The following TRIO variants were observed in gnomAD, a reference collection of about 807,000 sequenced individuals.
The protein encoded by TRIO is trio Rho guanine nucleotide exchange factor.
TRIO carries 58 observed loss-of-function variants against 351.9 expected under a neutral mutation model. The observed-to-expected ratio is 0.16, with a 90% confidence interval of 0.13 to 0.21. The LOEUF (loss-of-function observed/expected upper bound fraction) is 0.21, where lower values mean the gene tolerates loss of function less well. Among genes scored for constraint, TRIO ranks in the 10% least tolerant of loss-of-function variants. TRIO has a pLI of 1.00. For missense variants in TRIO, 3,201 were observed against 4,027.8 expected, an observed-to-expected ratio of 0.79 and a Z score of 5.56; for synonymous variants, 1,758 against 1,595.7, an observed-to-expected ratio of 1.10 and a Z score of -2.42.
intron 11 of TRIO, among the ~76,000 whole-genome samples, chr5:14,338,015 T>C (rs1017831283): frequency 3.3e-5 from 5 of 152,230 alleles, no homozygotes; most frequent in African/African-American, 1.2e-4. Context: ...TTGAAAATTC[T>C]TAACAAAAGA....
intron 1 of TRIO, among the ~76,000 whole-genome samples, chr5:14,253,325 T>C (rs1794850242): frequency 6.6e-6 from 1 of 152,210 alleles, no homozygotes; most frequent in Admixed American, 6.5e-5. Flanking sequence ...GGATTGAAGG[T>C]ATGTAGTGAA....
chr5:14,429,372 G>T (rs1750908276), intron 34 of TRIO, among the ~76,000 whole-genome samples: 1 of 152,126 alleles, frequency 6.6e-6, no homozygotes, highest in Non-Finnish European at 1.5e-5. Context: ...ATGAGATTTT[G>T]TGATTATATT....
chr5:14,461,813 C>G (rs1221077888), intron 35 of TRIO, among the ~76,000 whole-genome samples: 1 of 152,234 alleles, frequency 6.6e-6, no homozygotes, highest in Non-Finnish European at 1.5e-5. Context: ...ATTTATTATA[C>G]TTACAGCTTG....
At chr5:14,312,685 G>A (rs73751337) in intron 8 of TRIO, among the ~76,000 whole-genome samples, 3,495 of 152,284 alleles carry the variant, frequency 0.023, 139 homozygotes, top group African/African-American at 0.08. Context: ...TATAACTGAA[G>A]TAAATTCACT....
intron 8 of TRIO, among the ~76,000 whole-genome samples, chr5:14,305,885 A>C (rs918634829): frequency 1.3e-5 from 2 of 152,206 alleles, no homozygotes; most frequent in South Asian, 4.1e-4. Flanking sequence ...TACTTTTTCT[A>C]TGTTTAGATA....
At chr5:14,150,813 C>A (rs1240565481) in intron 1 of TRIO, among the ~76,000 whole-genome samples, 1 of 152,064 alleles carries the variant, frequency 6.6e-6, no homozygotes, top group Non-Finnish European at 1.5e-5. Flanking sequence ...CTATGTAGGA[C>A]CTAGCTTCTT....
Position 14,176,640 on chromosome 5 carries a change from C to T in TRIO, c.157+32758C>T, listed in dbSNP as rs558222171. ...GACTAATTTTTGTATTTTTTTGTAG[C>T]GGTGGAGTTTCACCAACCAAGTTGC... On this transcript the variant is annotated intron_variant, in intron 1 of 56. Coordinates refer to ENST00000344204, the MANE Select transcript of TRIO (RefSeq NM_007118.4). Among the ~76,000 whole-genome samples the T allele has an allele frequency of 5.3e-5, 8 of 152,212 alleles. No homozygotes were observed. In the East Asian group the frequency reaches 7.7e-4, roughly 15 times the overall value.
chr5:14,439,082 C>G (rs759275797), intron 34 of TRIO, among the ~76,000 whole-genome samples: 4 of 152,200 alleles, frequency 2.6e-5, no homozygotes, highest in African/African-American at 4.8e-5. Context: ...ATGGCACAAT[C>G]TCAGCTCACT....
chr5:14,282,069 G>A (rs1345317235), intron 3 of TRIO, among the ~76,000 whole-genome samples: 1 of 152,182 alleles, frequency 6.6e-6, no homozygotes, highest in Non-Finnish European at 1.5e-5. Flanking sequence ...TGGGTTTTCT[G>A]TCAGAGTATC....
chr5:14,494,552 A>G (rs779461139), intron 49 of TRIO, among the ~76,000 whole-genome samples: 6 of 152,252 alleles, frequency 3.9e-5, no homozygotes, highest in Non-Finnish European at 7.3e-5. Flanking sequence ...GACAATATCC[A>G]TGCTACAGCC....
chr5:14,321,496 C>A (rs73751342), intron 9 of TRIO, among the ~76,000 whole-genome samples: 5,929 of 152,290 alleles, frequency 0.039, 413 homozygotes, highest in African/African-American at 0.14. Context: ...TGCTCACTGC[C>A]ATGTATGTGT....
At chr5:14,422,216 G>T (rs984096346) in intron 34 of TRIO, among the ~76,000 whole-genome samples, 1 of 152,228 alleles carries the variant, frequency 6.6e-6, no homozygotes, top group Non-Finnish European at 1.5e-5. Flanking sequence ...TGTTCAGGCT[G>T]CCTTGCCTCA....
At chr5:14,222,576 A>G (rs1202537770) in intron 1 of TRIO, among the ~76,000 whole-genome samples, 1 of 152,198 alleles carries the variant, frequency 6.6e-6, no homozygotes, top group Non-Finnish European at 1.5e-5. Context: ...TTGTCTTGGA[A>G]ACAGTAAAAT....
chr5:14,421,477 G>A (rs543829862), intron 34 of TRIO, among the ~76,000 whole-genome samples: 5 of 151,406 alleles, frequency 3.3e-5, no homozygotes, highest in Non-Finnish European at 7.4e-5. Context: ...GGCGGCAGAC[G>A]CCTGTAATCC....
chr5:14,260,594 T>A (rs980070983), intron 1 of TRIO, among the ~76,000 whole-genome samples: 16 of 152,264 alleles, frequency 1.1e-4, no homozygotes, highest in Middle Eastern at 6.3e-3. Flanking sequence ...CATGTTAGAA[T>A]CAAATCCATG....
intron 34 of TRIO, among the ~76,000 whole-genome samples, chr5:14,433,370 C>T (rs1427429721): frequency 6.6e-6 from 1 of 152,180 alleles, no homozygotes; most frequent in Non-Finnish European, 1.5e-5. Flanking sequence ...CCCTTTCCCT[C>T]CAGAGCAGGA....
intron 53 of TRIO, among the ~76,000 whole-genome samples, chr5:14,500,904 A>C (rs1281967030): frequency 1.3e-5 from 2 of 151,098 alleles, no homozygotes; most frequent in Non-Finnish European, 3.0e-5. Flanking sequence ...AAAAAAAAAA[A>C]AAAAAAAAAC....
chr5:14,278,038 T>A (rs1399940970), intron 2 of TRIO, among the ~76,000 whole-genome samples: 4 of 152,170 alleles, frequency 2.6e-5, no homozygotes, highest in African/African-American at 9.7e-5. Context: ...AAAGTGAAAA[T>A]TTTTCCTCTA....
intron 1 of TRIO, among the ~76,000 whole-genome samples, chr5:14,216,893 C>T (rs775497454): frequency 9.9e-5 from 15 of 152,152 alleles, no homozygotes; most frequent in Non-Finnish European, 1.5e-4. Context: ...AAGGTCTCAT[C>T]GTTAGGAAGG....
Sources: allele counts gnomAD v4.1 joint callset (sites outside exome capture counted in the v4.1 genomes callset), GRCh38; gene constraint gnomAD v4.1.1; transcripts MANE v1.5; gene names NCBI Gene and HGNC (gene_info 2026-07-23, HGNC 2026-07-21).